ATOSA: variants seen among roughly 807,000 people sequenced by gnomAD.
ATOSA encodes the protein atos homolog A.
the ATOSA span, among the ~76,000 whole-genome samples, chr15:52,602,185 C>T: frequency 6.6e-6 from 1 of 152,058 alleles, no homozygotes; most frequent in Non-Finnish European, 1.5e-5. Context: ...TCTATTGAGC[C>T]GATCCTAGTT....
At chr15:52,651,869 C>T in the ATOSA span, 2 of 1,535,462 alleles carry the variant, frequency 1.3e-6, no homozygotes, top group South Asian at 1.2e-5. Context: ...TCACTACACA[C>T]CTTCTCTGTG....
At chr15:52,639,917 AT>A in the ATOSA span, among the ~76,000 whole-genome samples, 770 of 143,132 alleles carry the variant, frequency 5.4e-3, 3 homozygotes, top group African/African-American at 0.015. Context: ...TACCCAGCTA[AT>A]TTTTTTTTTT....
chr15:52,591,762 G>C, the ATOSA span, among the ~76,000 whole-genome samples: 1 of 152,094 alleles, frequency 6.6e-6, no homozygotes, highest in Non-Finnish European at 1.5e-5. Context: ...AAAATTAGCA[G>C]TTATTTTTTC....
the ATOSA span, among the ~76,000 whole-genome samples, chr15:52,666,920 G>A: frequency 2.0e-5 from 3 of 152,026 alleles, no homozygotes; most frequent in South Asian, 2.1e-4. Flanking sequence ...AGGATGGTCC[G>A]AGAAGGCTTC....
chr15:52,666,080 C>T, the ATOSA span, among the ~76,000 whole-genome samples: 1 of 152,150 alleles, frequency 6.6e-6, no homozygotes, highest in Non-Finnish European at 1.5e-5. Context: ...AGAATAGGAG[C>T]ATTACTATTG....
the ATOSA span, among the ~76,000 whole-genome samples, chr15:52,618,714 T>G: frequency 6.6e-6 from 1 of 152,250 alleles, no homozygotes; most frequent in Non-Finnish European, 1.5e-5. Flanking sequence ...AGACAGGGTC[T>G]TGCTTTGTTG....
At chr15:52,646,019 CCTTAAA>C in the ATOSA span, among the ~76,000 whole-genome samples, 1 of 152,326 alleles carries the variant, frequency 6.6e-6, no homozygotes, top group Non-Finnish European at 1.5e-5. Flanking sequence ...CCAAAATTAT[CCTTAAA>C]CTTAACCTAG....
the ATOSA span, among the ~76,000 whole-genome samples, chr15:52,592,868 C>A: frequency 6.6e-6 from 1 of 152,088 alleles, no homozygotes; most frequent in Non-Finnish European, 1.5e-5. Flanking sequence ...TAGGATTAGG[C>A]CAGTTGTGGT....
At chr15:52,582,335 T>G in the ATOSA span, 1 of 1,526,714 alleles carries the variant, frequency 6.6e-7, no homozygotes, top group African/African-American at 1.4e-5. Context: ...ATATAAAACA[T>G]TTCAGAGAAC....
the ATOSA span, among the ~76,000 whole-genome samples, chr15:52,700,190 T>C: frequency 6.6e-6 from 1 of 152,188 alleles, no homozygotes; most frequent in African/African-American, 2.4e-5. Context: ...AGACTTTACA[T>C]ACCAAATTAA....
chr15:52,682,035 A>G, the ATOSA span, among the ~76,000 whole-genome samples: 20 of 152,202 alleles, frequency 1.3e-4, no homozygotes, highest in Non-Finnish European at 2.1e-4. Flanking sequence ...ATAAAGTAGG[A>G]GCTCAATAAA....
the ATOSA span, among the ~76,000 whole-genome samples, chr15:52,706,699 TA>T: frequency 6.6e-6 from 1 of 152,144 alleles, no homozygotes; most frequent in East Asian, 1.9e-4. Context: ...TAGGAATTCA[TA>T]AGTCTATACA....
chr15:52,608,563 C>A, the ATOSA span: 1 of 1,549,338 alleles, frequency 6.5e-7, no homozygotes, highest in Non-Finnish European at 8.7e-7. Flanking sequence ...TTAGATGTTA[C>A]TTACCAATAC....
the ATOSA span, among the ~76,000 whole-genome samples, chr15:52,617,244 C>T: frequency 6.6e-6 from 1 of 152,146 alleles, no homozygotes. Flanking sequence ...CTTTCCCCCA[C>T]CTCCCCCAGG....
chr15:52,678,353 T>A, the ATOSA span: 1 of 487,560 alleles, frequency 2.1e-6, no homozygotes, highest in Non-Finnish European at 3.7e-6. Context: ...ACACAGTCTC[T>A]GAACCAAAAC....
the ATOSA span, among the ~76,000 whole-genome samples, chr15:52,691,296 A>G: frequency 6.6e-6 from 1 of 152,164 alleles, no homozygotes; most frequent in East Asian, 1.9e-4. Context: ...ACTTAGTCTC[A>G]TTGGTTGCTA....
chr15:52,589,393 A>G, the ATOSA span, among the ~76,000 whole-genome samples: 44 of 152,324 alleles, frequency 2.9e-4, no homozygotes, highest in Non-Finnish European at 6.0e-4. Context: ...TACACGTAAT[A>G]TATTACCGTT....
chr15:52,675,694 C>T, the ATOSA span, among the ~76,000 whole-genome samples: 1 of 152,108 alleles, frequency 6.6e-6, no homozygotes. Flanking sequence ...GGATCACGAG[C>T]TCAGGAGATC....
At chr15:52,619,603 A>T in the ATOSA span, among the ~76,000 whole-genome samples, 1 of 152,098 alleles carries the variant, frequency 6.6e-6, no homozygotes, top group South Asian at 2.1e-4. Flanking sequence ...TCACTCCTGT[A>T]GGTGGATCAA....
Sources: allele counts gnomAD v4.1 joint callset (sites outside exome capture counted in the v4.1 genomes callset), GRCh38; gene constraint gnomAD v4.1.1; transcripts MANE v1.5; gene names NCBI Gene and HGNC (gene_info 2026-07-23, HGNC 2026-07-21).